USP53: variants seen among roughly 807,000 people sequenced by gnomAD.
USP53 encodes the protein ubiquitin specific peptidase 53.
A neutral mutation model predicts 94.9 loss-of-function variants in USP53; 71 were observed. That is an observed-to-expected ratio of 0.75 (90% CI 0.62 to 0.91). The LOEUF (loss-of-function observed/expected upper bound fraction) is 0.91, where lower values mean the gene tolerates loss of function less well. Ranked by LOEUF, USP53 falls within the 40% of genes least tolerant of loss-of-function variation. The pLI is 0.00. For missense variants in USP53, 1,173 were observed against 1,281.0 expected, an observed-to-expected ratio of 0.92 and a Z score of 1.29; for synonymous variants, 375 against 422.7, an observed-to-expected ratio of 0.89 and a Z score of 1.39.
intron 17 of USP53, among the ~76,000 whole-genome samples, chr4:119,275,981 G>C (rs2149437497): frequency 6.8e-6 from 1 of 146,748 alleles, no homozygotes; most frequent in African/African-American, 2.5e-5. Flanking sequence ...TTGCTTATCA[G>C]CTTAAGGAGA....
chr4:119,214,340 T>C (rs762522616), intron 2 of USP53, 118 bp downstream of exon 2: 2 of 152,104 alleles, frequency 1.3e-5, no homozygotes, highest in African/African-American at 2.4e-5. Context: ...TGATAAACCA[T>C]GAAAGTGATT....
rs1191606969 is a variant in USP53 at position 119,217,559 on chromosome 4, A to T, written c.-779A>T. The stretch of plus-strand genomic sequence containing the variant: ...CTGTGTTCTGTTCTAGATGCTTGGG[A>T]TTTGCTTTACATTCTAAGTGGATTT... On this transcript the variant is annotated 5_prime_UTR_variant, in exon 3 of 19. Coordinates refer to ENST00000692078, the MANE Select transcript of USP53 (RefSeq NM_001371395.1). 2 of 152,166 alleles carry T rather than the reference A, an allele frequency of 1.3e-5. No homozygotes were observed. The highest frequency in any genetic ancestry group is 4.8e-5 in the African/African-American group (2 of 41,426). The allele number at this position is 152,166 out of a possible 1,614,324, so 9.4% of individuals were successfully genotyped here. A position where few individuals can be genotyped will look rare whatever the true frequency, so the allele number is the denominator to read the frequency against.
intron 12 of USP53, chr4:119,266,475 A>C: frequency 2.6e-6 from 1 of 385,570 alleles, no homozygotes; most frequent in Admixed American, 3.3e-5. Flanking sequence ...ATTCTTTTTA[A>C]TGTTAGCCCT....
chr4:119,246,190 C>T (rs1251996063), intron 6 of USP53, among the ~76,000 whole-genome samples: 1 of 152,154 alleles, frequency 6.6e-6, no homozygotes, highest in Non-Finnish European at 1.5e-5. Context: ...AAATCTAATT[C>T]CTTGAATATA....
At chr4:119,223,668 C>T (rs558515913) in intron 3 of USP53, among the ~76,000 whole-genome samples, 1 of 152,264 alleles carries the variant, frequency 6.6e-6, no homozygotes, top group East Asian at 1.9e-4. Flanking sequence ...CATTATTTTT[C>T]TTATTGCTAC....
At chr4:119,257,432 T>G (rs1159151942) in intron 9 of USP53, among the ~76,000 whole-genome samples, 2 of 152,162 alleles carry the variant, frequency 1.3e-5, no homozygotes, top group Non-Finnish European at 2.9e-5. Context: ...AGAGCAAGAT[T>G]ACGTCTCACA....
At chr4:119,263,735 T>C (rs1168702000) in intron 12 of USP53, among the ~76,000 whole-genome samples, 1 of 152,126 alleles carries the variant, frequency 6.6e-6, no homozygotes, top group Non-Finnish European at 1.5e-5. Context: ...GGCTAAGTTA[T>C]TCCTAGGCTG....
intron 17 of USP53, among the ~76,000 whole-genome samples, chr4:119,280,663 C>T (rs1422993709): frequency 6.6e-6 from 1 of 152,102 alleles, no homozygotes; most frequent in Non-Finnish European, 1.5e-5. Flanking sequence ...GAAACTCTAT[C>T]AGGATAGGTA....
At chr4:119,269,933 A>T in intron 15 of USP53, 96 bp downstream of exon 15, 1 of 567,226 alleles carries the variant, frequency 1.8e-6, no homozygotes, top group Non-Finnish European at 2.4e-6. Context: ...TATATGTTAA[A>T]TAATATATAT....
intron 9 of USP53, among the ~76,000 whole-genome samples, chr4:119,257,309 C>T (rs999621396): frequency 1.1e-4 from 16 of 152,046 alleles, no homozygotes; most frequent in African/African-American, 1.7e-4. Flanking sequence ...GGTGTGGTGG[C>T]GGGCACCTGT....
intron 3 of USP53, among the ~76,000 whole-genome samples, chr4:119,224,104 A>G (rs1744915302): frequency 6.6e-6 from 1 of 152,160 alleles, no homozygotes; most frequent in Non-Finnish European, 1.5e-5. Flanking sequence ...AGTTCAAGCA[A>G]TTGTCCTGCC....
In USP53 at chr4:119,225,518, G is replaced by A. The variant is rs529198175; in HGVS notation, c.-665+7845G>A. 5.9e-5 allele frequency among the ~76,000 whole-genome samples: 9 copies of A among 152,006 alleles called. No homozygotes were observed. In the South Asian group the frequency reaches 6.3e-4, roughly 11 times the overall value. On this transcript the variant is annotated intron_variant, in intron 3 of 18. Transcript: ENST00000692078. ...TCCCAGCACTTTGGGAGGCCGAGGC[G>A]GGCAGATCACGAGGTCCAGAGATCA...
At chr4:119,229,480 C>T (rs1745766347) in intron 3 of USP53, among the ~76,000 whole-genome samples, 1 of 152,100 alleles carries the variant, frequency 6.6e-6, no homozygotes, top group African/African-American at 2.4e-5. Context: ...TTCATTTTAT[C>T]CCAAATGGAA....
intron 2 of USP53, among the ~76,000 whole-genome samples, chr4:119,216,485 A>G (rs890200710): frequency 6.6e-6 from 1 of 151,988 alleles, no homozygotes; most frequent in Non-Finnish European, 1.5e-5. Flanking sequence ...CAGTCACTTT[A>G]TCTTTCTTTC....
chr4:119,257,337 A>G (rs1023513245), intron 9 of USP53, among the ~76,000 whole-genome samples: 1 of 152,070 alleles, frequency 6.6e-6, no homozygotes, highest in Non-Finnish European at 1.5e-5. Context: ...GCTCTTCCGG[A>G]GGCTGAGGCA....
intron 17 of USP53, among the ~76,000 whole-genome samples, chr4:119,275,941 T>C (rs1234154813): frequency 6.7e-5 from 10 of 149,102 alleles, no homozygotes; most frequent in Non-Finnish European, 1.3e-4. Context: ...TTTTTGTACA[T>C]TGATTTTGTA....
intron 12 of USP53, among the ~76,000 whole-genome samples, chr4:119,265,554 C>G (rs1056754862): frequency 2.6e-5 from 4 of 152,018 alleles, no homozygotes; most frequent in African/African-American, 9.7e-5. Flanking sequence ...GCCTGTAATC[C>G]CAGCTACTCA....
At position 119,239,539 on chromosome 4, in the gene USP53, T is replaced by A; in HGVS notation, c.-221T>A. On this transcript the variant is annotated 5_prime_UTR_variant, in exon 5 of 19. Coordinates refer to ENST00000692078, the MANE Select transcript of USP53 (RefSeq NM_001371395.1). The stretch of plus-strand genomic sequence containing the variant: ...TAACGCCTTGTTTAAAATAGCTTTC[T>A]TTTTTAGTGCTTAGAACTTCAATGT... 1 of 481,398 alleles carries A rather than the reference T, an allele frequency of 2.1e-6. No individual in the cohort carries two copies. The allele number at this position is 481,398 out of a possible 1,614,324, so 29.8% of individuals were successfully genotyped here.
At chr4:119,231,233 C>T (rs1746032500) in intron 3 of USP53, among the ~76,000 whole-genome samples, 1 of 152,186 alleles carries the variant, frequency 6.6e-6, no homozygotes, top group African/African-American at 2.4e-5. Flanking sequence ...TCACAGCGAA[C>T]ACCCTGTAGC....
Sources: allele counts gnomAD v4.1 joint callset (sites outside exome capture counted in the v4.1 genomes callset), GRCh38; gene constraint gnomAD v4.1.1; transcripts MANE v1.5; gene names NCBI Gene and HGNC (gene_info 2026-07-23, HGNC 2026-07-21).